The following CDH2 variants were observed in gnomAD, a reference collection of about 807,000 sequenced individuals.
CDH2 encodes the protein cadherin-2.
A neutral mutation model predicts 92.0 loss-of-function variants in CDH2; 17 were observed. That is an observed-to-expected ratio of 0.18 (90% CI 0.13 to 0.28). The LOEUF (loss-of-function observed/expected upper bound fraction) is 0.28, where lower values mean the gene tolerates loss of function less well. CDH2 is among the 10% of genes least tolerant of loss of function. The pLI is 1.00. For missense variants in CDH2, 862 were observed against 1,133.1 expected (o/e 0.76, Z 3.44); for synonymous variants, 419 against 415.9 (o/e 1.01, Z -0.09).
chr18:28,085,312 C>T (rs1308091830), intron 2 of CDH2, among the ~76,000 whole-genome samples: 1 of 152,054 alleles, frequency 6.6e-6, no homozygotes, highest in Non-Finnish European at 1.5e-5. Flanking sequence ...AACACACACT[C>T]TCTCTATCTC....
intron 2 of CDH2, among the ~76,000 whole-genome samples, chr18:28,127,100 C>T (rs1359329748): frequency 1.3e-5 from 2 of 152,022 alleles, no homozygotes; most frequent in Non-Finnish European, 1.5e-5. Flanking sequence ...ATGCTACCTG[C>T]TGTGTATAAA....
intron 2 of CDH2, among the ~76,000 whole-genome samples, chr18:28,093,793 A>C (rs2015078378): frequency 6.6e-6 from 1 of 152,216 alleles, no homozygotes; most frequent in Non-Finnish European, 1.5e-5. Flanking sequence ...TCTTTGTCAC[A>C]AAGAGAATCA....
intron 5 of CDH2, among the ~76,000 whole-genome samples, chr18:28,006,718 A>T (rs2012933246): frequency 1.4e-5 from 1 of 73,364 alleles, no homozygotes; most frequent in Non-Finnish European, 2.6e-5. Flanking sequence ...ACTCTGTCTC[A>T]AAAAAAAAAA....
chr18:28,055,046 A>C (rs2144134082), intron 2 of CDH2, among the ~76,000 whole-genome samples: 1 of 152,284 alleles, frequency 6.6e-6, no homozygotes, highest in South Asian at 2.1e-4. Flanking sequence ...AAACGCTTAA[A>C]TTTATATAAC....
chr18:28,171,830 T>A lies in CDH2; in HGVS notation c.60+5133A>T, dbSNP rs560102190. Among the ~76,000 whole-genome samples the A allele has an allele frequency of 2.0e-5, 3 of 152,276 alleles. No homozygotes were observed. The South Asian group carries it at 6.2e-4, about 32-fold the overall frequency. On this transcript the variant is annotated intron_variant, in intron 1 of 15. Transcript: ENST00000269141. Reference sequence around the variant, plus strand: ...GTTGAGGAAAATGAGGTCACGGGACTTTAAGAGAGTAGACTACATCTGGAC... The same window carrying A: ...GTTGAGGAAAATGAGGTCACGGGACATTAAGAGAGTAGACTACATCTGGAC...
chr18:28,049,771 C>T (rs1486483533), intron 2 of CDH2, among the ~76,000 whole-genome samples: 3 of 152,132 alleles, frequency 2.0e-5, no homozygotes, highest in Admixed American at 1.3e-4. Flanking sequence ...CAATTTAACC[C>T]GTATGCAACT....
At chr18:28,121,629 T>C (rs1341550105) in intron 2 of CDH2, among the ~76,000 whole-genome samples, 1 of 152,140 alleles carries the variant, frequency 6.6e-6, no homozygotes, top group Non-Finnish European at 1.5e-5. Context: ...AAATTCTTTA[T>C]CACTTTCATC....
intron 2 of CDH2, among the ~76,000 whole-genome samples, chr18:28,053,383 T>C (rs886923111): frequency 6.6e-6 from 1 of 152,250 alleles, no homozygotes; most frequent in Non-Finnish European, 1.5e-5. Flanking sequence ...AAGATAACTA[T>C]AATTCATTAA....
chr18:28,169,958 A>T (rs2016440353), intron 1 of CDH2, among the ~76,000 whole-genome samples: 1 of 152,190 alleles, frequency 6.6e-6, no homozygotes, highest in Non-Finnish European at 1.5e-5. Context: ...TTACACTTCC[A>T]CTATTAGAAC....
intron 2 of CDH2, among the ~76,000 whole-genome samples, chr18:28,093,672 A>G (rs1362031746): frequency 1.3e-5 from 2 of 152,186 alleles, no homozygotes; most frequent in Non-Finnish European, 2.9e-5. Flanking sequence ...AATCACCATC[A>G]CTGCCAGCCA....
At chr18:27,944,754 TAAAA>T (rs869217652) in intron 6 of CDH2, among the ~76,000 whole-genome samples, 1 of 83,570 alleles carries the variant, frequency 1.2e-5, no homozygotes, top group Non-Finnish European at 2.2e-5. Flanking sequence ...ACTTCCTTTC[TAAAA>T]AAAAAAAAAA....
intron 2 of CDH2, among the ~76,000 whole-genome samples, chr18:28,069,732 C>A (rs933841128): frequency 6.6e-6 from 1 of 152,142 alleles, no homozygotes; most frequent in Non-Finnish European, 1.5e-5. Context: ...CACATTAAGG[C>A]ATCTACCATA....
At chr18:27,933,805 ATTTTC>A (rs1408981842) in intron 6 of CDH2, among the ~76,000 whole-genome samples, 2 of 152,214 alleles carry the variant, frequency 1.3e-5, no homozygotes, top group African/African-American at 4.8e-5. Context: ...CTCAATGCAT[ATTTTC>A]TAAGAAATTT....
At chr18:28,127,600 A>C (rs2015699354) in intron 2 of CDH2, among the ~76,000 whole-genome samples, 1 of 152,232 alleles carries the variant, frequency 6.6e-6, no homozygotes, top group Non-Finnish European at 1.5e-5. Flanking sequence ...ACTGAGCACC[A>C]AGGCTGATTA....
At chr18:28,170,872 C>T (rs971193738) in intron 1 of CDH2, among the ~76,000 whole-genome samples, 5 of 151,494 alleles carry the variant, frequency 3.3e-5, no homozygotes, top group African/African-American at 1.2e-4. Flanking sequence ...TAAATATCTT[C>T]GTATATGTAT....
At chr18:28,047,266 A>T (rs1481411202) in intron 2 of CDH2, among the ~76,000 whole-genome samples, 1 of 152,228 alleles carries the variant, frequency 6.6e-6, no homozygotes, top group African/African-American at 2.4e-5. Context: ...TTAAAATTAG[A>T]TATCTATCAT....
intron 7 of CDH2, among the ~76,000 whole-genome samples, chr18:27,994,973 A>G (rs181054211): frequency 6.6e-6 from 1 of 152,260 alleles, no homozygotes; most frequent in African/African-American, 2.4e-5. Flanking sequence ...ATGTTGGTTG[A>G]GTCATTTAAT....
chr18:27,944,082 AAAAT>A (rs1331438305), intron 6 of CDH2, among the ~76,000 whole-genome samples: 1 of 152,240 alleles, frequency 6.6e-6, no homozygotes, highest in East Asian at 1.9e-4. Context: ...ATTTAAAATG[AAAAT>A]AAAAATATTC....
chr18:28,037,978 G>A (rs909890824), intron 2 of CDH2, among the ~76,000 whole-genome samples: 2 of 152,222 alleles, frequency 1.3e-5, no homozygotes, highest in East Asian at 1.9e-4. Context: ...CATAGAAAAC[G>A]GTAATTGAAG....
Sources: gnomAD v4.1 joint callset for allele counts (sites outside exome capture counted in the v4.1 genomes callset) on GRCh38, gnomAD v4.1.1 for gene constraint, MANE v1.5 for transcripts, NCBI Gene and HGNC (gene_info 2026-07-23, HGNC 2026-07-21) for gene names.